Variants in RANBP2 observed in about 807,000 individuals in gnomAD.
RANBP2 encodes E3 SUMO-protein ligase RanBP2.
Under a neutral mutation model 303.6 loss-of-function variants are expected in RANBP2, and 57 were observed. That is an observed-to-expected ratio of 0.19 (90% confidence interval 0.15 to 0.23). The LOEUF (loss-of-function observed/expected upper bound fraction) is 0.23. RANBP2 is among the 10% of genes least tolerant of loss of function. RANBP2 has a pLI of 1.00. For missense variants in RANBP2, 3,138 were observed against 3,780.8 expected, an observed-to-expected ratio of 0.83 and a Z score of 4.46; for synonymous variants, 1,167 against 1,301.5, an observed-to-expected ratio of 0.90 and a Z score of 2.23.
At chr2:109,036,343 G>C in the RANBP2 span, among the ~76,000 whole-genome samples, 3 of 152,142 alleles carry the variant, frequency 2.0e-5, no homozygotes, top group Admixed American at 6.6e-5. Flanking sequence ...ATTGTATAAG[G>C]CTAGTATTAC....
chr2:108,819,915 T>C, the RANBP2 span, among the ~76,000 whole-genome samples: 2 of 151,998 alleles, frequency 1.3e-5, no homozygotes, highest in African/African-American at 4.8e-5. Context: ...AATTTAAAAA[T>C]GGAAAGAGAA....
At chr2:109,194,365 C>T in the RANBP2 span, among the ~76,000 whole-genome samples, 1 of 152,236 alleles carries the variant, frequency 6.6e-6, no homozygotes, top group Non-Finnish European at 1.5e-5. Flanking sequence ...ATCTGTGTGT[C>T]TGCTGCCACC....
chr2:108,877,835 C>G, the RANBP2 span, among the ~76,000 whole-genome samples: 1 of 152,184 alleles, frequency 6.6e-6, no homozygotes, highest in African/African-American at 2.4e-5. Flanking sequence ...TAGATGCATC[C>G]TGGCCAAATG....
At chr2:108,905,201 G>A in the RANBP2 span, among the ~76,000 whole-genome samples, 1 of 152,154 alleles carries the variant, frequency 6.6e-6, no homozygotes, top group Non-Finnish European at 1.5e-5. Flanking sequence ...TGGGCATGGA[G>A]CACAGGTTCT....
At chr2:109,442,310 C>CA in the RANBP2 span, among the ~76,000 whole-genome samples, 8,858 of 75,460 alleles carry the variant, frequency 0.12, 308 homozygotes, top group Middle Eastern at 0.2. Context: ...GACTCCACCT[C>CA]AAAAAAAAAA....
chr2:109,574,812 C>T, the RANBP2 span: 1 of 1,369,882 alleles, frequency 7.3e-7, no homozygotes, highest in Non-Finnish European at 9.8e-7. Context: ...TTTGTGCTAC[C>T]TTAAGATATC....
chr2:108,869,511 G>A, the RANBP2 span, among the ~76,000 whole-genome samples: 1 of 152,266 alleles, frequency 6.6e-6, no homozygotes, highest in African/African-American at 2.4e-5. Flanking sequence ...AGAAGGCCAA[G>A]GAAGGCAGTG....
At chr2:108,907,730 T>A in the RANBP2 span, 1 of 1,026,566 alleles carries the variant, frequency 9.7e-7, no homozygotes, top group South Asian at 1.3e-5. Flanking sequence ...ACTGTCCAGG[T>A]CTCCTATCTT....
At chr2:109,216,911 A>G in the RANBP2 span, among the ~76,000 whole-genome samples, 82 of 152,182 alleles carry the variant, frequency 5.4e-4, 7 homozygotes, top group African/African-American at 4.8e-5. Flanking sequence ...CGTCTTCCCA[A>G]ACCGAAATTC....
the RANBP2 span, among the ~76,000 whole-genome samples, chr2:109,327,658 A>G: frequency 6.6e-6 from 1 of 152,244 alleles, no homozygotes; most frequent in Non-Finnish European, 1.5e-5. Context: ...TTTTAGTAAA[A>G]TTGCATAATA....
At chr2:108,875,820 C>T in the RANBP2 span, among the ~76,000 whole-genome samples, 2,022 of 152,292 alleles carry the variant, frequency 0.013, 64 homozygotes, top group South Asian at 0.086. Flanking sequence ...GTTCATGCCA[C>T]TGCACTCCAC....
At chr2:108,849,484 C>T in the RANBP2 span, among the ~76,000 whole-genome samples, 1 of 152,106 alleles carries the variant, frequency 6.6e-6, no homozygotes, top group Non-Finnish European at 1.5e-5. Flanking sequence ...CATGGTGACT[C>T]TCCATGACCT....
At chr2:109,235,127 A>AC in the RANBP2 span, among the ~76,000 whole-genome samples, 1 of 152,130 alleles carries the variant, frequency 6.6e-6, no homozygotes, top group Non-Finnish European at 1.5e-5. Flanking sequence ...TAGAGTTGGG[A>AC]GGGGGGCCCT....
the RANBP2 span, among the ~76,000 whole-genome samples, chr2:109,179,320 G>T: frequency 2.0e-5 from 3 of 152,184 alleles, no homozygotes; most frequent in Non-Finnish European, 4.4e-5. Context: ...TAGATTTTCA[G>T]AGCTGCTGAC....
At chr2:109,399,845 T>A in the RANBP2 span, among the ~76,000 whole-genome samples, 13 of 152,192 alleles carry the variant, frequency 8.5e-5, no homozygotes, top group Admixed American at 8.5e-4. Flanking sequence ...GCCATTGTTG[T>A]CTGACCTTCT....
the RANBP2 span, among the ~76,000 whole-genome samples, chr2:109,634,873 C>T: frequency 0.025 from 3,783 of 152,166 alleles, 67 homozygotes; most frequent in Non-Finnish European, 0.038. Flanking sequence ...AATAAAAGGA[C>T]GAGTAAACAA....
rs181867978 is a variant in RANBP2, at chr2:108,753,725, C to T, written c.2056-100C>T. The T allele has an allele frequency of 1.1e-3, 1,813 of 1,598,848 alleles. 1 individual carries two copies. Among genetic ancestry groups the T allele is most frequent in the Non-Finnish European group, 1.4e-3 (1,690 of 1,173,392 alleles). ...CAAGCGATTCTTGTGCCTCAGCTCC[C>T]GAGTAGCTGGGATTACAGGCATGAG... On this transcript the variant is annotated intron_variant, in intron 14 of 28. Coordinates refer to ENST00000283195, the MANE Select transcript of RANBP2 (RefSeq NM_006267.5).
the RANBP2 span, among the ~76,000 whole-genome samples, chr2:109,154,226 C>T: frequency 6.6e-6 from 1 of 152,186 alleles, no homozygotes; most frequent in African/African-American, 2.4e-5. Context: ...GTGGTGCTTT[C>T]TGTCATTTCT....
the RANBP2 span, among the ~76,000 whole-genome samples, chr2:109,535,432 C>T: frequency 3.0e-3 from 451 of 152,268 alleles, 2 homozygotes; most frequent in South Asian, 0.022. Flanking sequence ...TCCGGCTTCA[C>T]ACATTTGACA....
Sources: gnomAD v4.1 joint callset for allele counts (sites outside exome capture counted in the v4.1 genomes callset) on GRCh38, gnomAD v4.1.1 for gene constraint, MANE v1.5 for transcripts, NCBI Gene and HGNC (gene_info 2026-07-23, HGNC 2026-07-21) for gene names.